DCLK2: variants seen among roughly 807,000 people sequenced by gnomAD.
DCLK2 encodes the protein serine/threonine-protein kinase DCLK2.
Under a neutral mutation model 78.4 loss-of-function variants are expected in DCLK2, and 31 were observed. That is an observed-to-expected ratio of 0.40 (90% CI 0.30 to 0.53). The LOEUF is 0.53. DCLK2 is among the 20% of genes least tolerant of loss of function. DCLK2 has a pLI of 0.61. For missense variants in DCLK2, 872 were observed against 973.7 expected, an observed-to-expected ratio of 0.90 and a Z score of 1.39; for synonymous variants, 407 against 374.9, an observed-to-expected ratio of 1.09 and a Z score of -0.99.
chr4:150,220,625 C>A, intron 5 of DCLK2, 78 bp from the exon 6 acceptor site: 1 of 1,194,550 alleles, frequency 8.4e-7, no homozygotes, highest in Non-Finnish European at 1.2e-6. Flanking sequence ...ATTCTGTAAG[C>A]ATTTTGTGTG....
intron 5 of DCLK2, among the ~76,000 whole-genome samples, chr4:150,214,835 G>A (rs1029025037): frequency 1.3e-5 from 2 of 151,320 alleles, no homozygotes; most frequent in Admixed American, 6.6e-5. Context: ...GGTGGCACAC[G>A]CCTGTAATCC....
At position 150,078,972 on chromosome 4, in the gene DCLK2, T is replaced by C; in HGVS notation, c.-56T>C. 1 of 1,481,032 alleles carries C rather than the reference T, an allele frequency of 6.8e-7. No individual in the cohort carries two copies. Among genetic ancestry groups the C allele is most frequent in the Non-Finnish European group, 9.0e-7 (1 of 1,117,050 alleles). 91.7% of individuals were successfully genotyped at this position (1,481,032 alleles called of 1,614,324 possible). A position where few individuals can be genotyped will look rare whatever the true frequency, so the allele number is the denominator to read the frequency against. ...CAGTCAGACGTCCCTGCACCGGCGC[T>C]CGCACCCTTAGTCGGCCCGGAACGT... On this transcript the variant is annotated 5_prime_UTR_variant, in exon 1 of 16. Coordinates refer to ENST00000296550, the MANE Select transcript of DCLK2 (RefSeq NM_001040260.4).
chr4:150,134,448 A>C (rs2150202705), intron 2 of DCLK2, among the ~76,000 whole-genome samples: 1 of 152,316 alleles, frequency 6.6e-6, no homozygotes, highest in South Asian at 2.1e-4. Context: ...TAGATACGGC[A>C]GTGCTTGATG....
intron 2 of DCLK2, among the ~76,000 whole-genome samples, chr4:150,184,932 A>G (rs1211928936): frequency 6.6e-6 from 1 of 151,748 alleles, no homozygotes; most frequent in Admixed American, 6.6e-5. Context: ...AATTCCTAAC[A>G]CACCCCACTC....
chr4:150,096,329 A>C (rs1485006320), intron 1 of DCLK2, among the ~76,000 whole-genome samples: 2 of 152,180 alleles, frequency 1.3e-5, no homozygotes, highest in African/African-American at 4.8e-5. Context: ...AGTAATGGAG[A>C]GTGAAATTCG....
intron 2 of DCLK2, among the ~76,000 whole-genome samples, chr4:150,155,276 A>G (rs1044457724): frequency 6.6e-6 from 1 of 152,212 alleles, no homozygotes; most frequent in African/African-American, 2.4e-5. Flanking sequence ...ATGACTTAAA[A>G]TGAATTCAGA....
At position 150,239,378 on chromosome 4, in the gene DCLK2, T is replaced by G. The variant is rs190983317; in HGVS notation, c.1567-364T>G. 8.5e-4 allele frequency among the ~76,000 whole-genome samples: 129 copies of G among 152,146 alleles called. 1 individual carries two copies. The highest frequency in any genetic ancestry group is 2.9e-3 in the African/African-American group (121 of 41,496). On this transcript the variant is annotated intron_variant, in intron 10 of 15. Coordinates refer to ENST00000296550, the MANE Select transcript of DCLK2 (RefSeq NM_001040260.4). ...TTTGGGAGGCTGAGGTGGGCAGATCTCACGATCCCAGGAGTTCAAGACCAG... is the reference window on the plus strand; with the variant it reads ...TTTGGGAGGCTGAGGTGGGCAGATCGCACGATCCCAGGAGTTCAAGACCAG...
intron 5 of DCLK2, among the ~76,000 whole-genome samples, chr4:150,210,577 TGCATTGAGCTGAGATC>T (rs1312411810): frequency 6.6e-6 from 1 of 151,738 alleles, no homozygotes; most frequent in Non-Finnish European, 1.5e-5. Flanking sequence ...AGGCGGAGGT[TGCATTGAGCTGAGATC>T]GCACCACTGC....
chr4:150,192,871 G>A (rs900065260), intron 2 of DCLK2, among the ~76,000 whole-genome samples: 3 of 152,114 alleles, frequency 2.0e-5, no homozygotes, highest in Non-Finnish European at 4.4e-5. Flanking sequence ...GAAAAATCAC[G>A]TACCTTTTTG....
intron 2 of DCLK2, among the ~76,000 whole-genome samples, chr4:150,148,146 T>C (rs187414873): frequency 1.4e-3 from 218 of 152,270 alleles, no homozygotes; most frequent in Non-Finnish European, 2.4e-3. Flanking sequence ...GGTGGGTAGA[T>C]TGAGCTCCGT....
At chr4:150,124,547 A>G (rs1208074916) in intron 2 of DCLK2, among the ~76,000 whole-genome samples, 1 of 152,214 alleles carries the variant, frequency 6.6e-6, no homozygotes, top group East Asian at 1.9e-4. Flanking sequence ...TTTTTGAATC[A>G]TTAAGTTTAT....
chr4:150,177,311 C>A (rs72967218), intron 2 of DCLK2, among the ~76,000 whole-genome samples: 7 of 151,574 alleles, frequency 4.6e-5, no homozygotes, highest in Non-Finnish European at 7.4e-5. Context: ...CTTTTTTTTC[C>A]GAGTTGATGC....
At position 150,221,826 on chromosome 4, in the gene DCLK2, A is replaced by T. The variant is rs377155742; in HGVS notation, c.1241+41A>T. On this transcript the variant is annotated intron_variant, in intron 7 of 15. Transcript: ENST00000296550. ...GGATAATTAATGAATAATGAAAATG[A>T]TAAATAATGAAAACTGTATCATCTA... 2.4e-6 allele frequency: 3 copies of T among 1,273,476 alleles called. No individual in the cohort carries two copies. In the African/African-American group the frequency reaches 4.6e-5, roughly 19 times the overall value. 78.9% of individuals were successfully genotyped at this position (1,273,476 alleles called of 1,614,324 possible).
intron 2 of DCLK2, among the ~76,000 whole-genome samples, chr4:150,137,131 C>G (rs750090215): frequency 1.3e-5 from 2 of 151,834 alleles, no homozygotes; most frequent in Non-Finnish European, 2.9e-5. Flanking sequence ...ATGCGTGGGC[C>G]ACCATGCCCA....
At chr4:150,140,711 ATT>A (rs1246100703) in intron 2 of DCLK2, among the ~76,000 whole-genome samples, 1 of 152,036 alleles carries the variant, frequency 6.6e-6, no homozygotes, top group South Asian at 2.1e-4. Flanking sequence ...CTACTTCTTT[ATT>A]TTTTAAAATG....
intron 2 of DCLK2, among the ~76,000 whole-genome samples, chr4:150,153,498 G>A (rs6535711): frequency 0.31 from 46,592 of 151,562 alleles, 8,228 homozygotes; most frequent in Non-Finnish European, 0.4. Context: ...ATGCAACCTT[G>A]ACCTCCTGGG....
At chr4:150,242,508 G>A (rs577158438) in intron 12 of DCLK2, among the ~76,000 whole-genome samples, 2 of 152,334 alleles carry the variant, frequency 1.3e-5, no homozygotes, top group South Asian at 4.1e-4. Context: ...CAATTGCATG[G>A]ATCAGTTGAG....
chr4:150,156,189 G>A (rs1345622806), intron 2 of DCLK2, among the ~76,000 whole-genome samples: 1 of 152,132 alleles, frequency 6.6e-6, no homozygotes, highest in Non-Finnish European at 1.5e-5. Flanking sequence ...TTAGATGTTT[G>A]TTGAGGTGGG....
chr4:150,167,290 G>T (rs1736166369), intron 2 of DCLK2, among the ~76,000 whole-genome samples: 1 of 152,262 alleles, frequency 6.6e-6, no homozygotes, highest in East Asian at 1.9e-4. Flanking sequence ...ATGAAGGACA[G>T]ACTGTTTGTG....
Sources: gnomAD v4.1 joint callset for allele counts (sites outside exome capture counted in the v4.1 genomes callset) on GRCh38, gnomAD v4.1.1 for gene constraint, MANE v1.5 for transcripts, NCBI Gene and HGNC (gene_info 2026-07-23, HGNC 2026-07-21) for gene names.